Variants in SLCO3A1 observed in about 807,000 individuals in gnomAD.
The protein encoded by SLCO3A1 is PGE1 transporter.
In SLCO3A1, 27 loss-of-function variants were observed where a neutral mutation model predicts 63.1. That is an observed-to-expected ratio of 0.43 (90% CI 0.32 to 0.59). The LOEUF (loss-of-function observed/expected upper bound fraction) is 0.59, where lower values mean the gene tolerates loss of function less well. Ranked by LOEUF, SLCO3A1 falls within the 20% of genes least tolerant of loss-of-function variation. The pLI, the probability that SLCO3A1 is intolerant of heterozygous loss-of-function variation, is 0.09. For missense variants in SLCO3A1, 773 were observed against 945.8 expected (o/e 0.82, Z 2.40); for synonymous variants, 473 against 409.9 (o/e 1.15, Z -1.86).
At chr15:92,069,168 G>T (rs1868462266) in intron 2 of SLCO3A1, among the ~76,000 whole-genome samples, 1 of 135,018 alleles carries the variant, frequency 7.4e-6, no homozygotes, top group African/African-American at 2.8e-5. Context: ...TGGTTGTCAT[G>T]ATGGGAGATA....
intron 2 of SLCO3A1, among the ~76,000 whole-genome samples, chr15:92,065,865 G>A (rs1256028718): frequency 6.6e-6 from 1 of 152,172 alleles, no homozygotes; most frequent in Non-Finnish European, 1.5e-5. Flanking sequence ...GTTATGTGCT[G>A]GTCCTGTTGA....
intron 2 of SLCO3A1, among the ~76,000 whole-genome samples, chr15:91,979,821 A>G (rs1397610648): frequency 6.6e-6 from 1 of 152,196 alleles, no homozygotes; most frequent in East Asian, 1.9e-4. Context: ...AAATGGTAGC[A>G]TCTATTATTG....
chr15:91,946,006 A>G lies in SLCO3A1; in HGVS notation c.646+29548A>G, dbSNP rs190172164. ...TTCCCTCTTATTTTGATTAAGCACT[A>G]TCTGTCATTTTCTTTGAACATATAA... On this transcript the variant is annotated intron_variant, in intron 2 of 9. Coordinates refer to ENST00000318445, the MANE Select transcript of SLCO3A1 (RefSeq NM_013272.4). Among the ~76,000 whole-genome samples, 22 of 152,356 alleles carry G rather than the reference A, an allele frequency of 1.4e-4. 1 individual carries two copies. In the East Asian group the frequency reaches 3.1e-3, roughly 21 times the overall value.
chr15:92,151,146 A>G (rs771883527), intron 9 of SLCO3A1, 132 bp downstream of exon 9: 36 of 686,236 alleles, frequency 5.2e-5, no homozygotes, highest in Non-Finnish European at 7.4e-5. Flanking sequence ...AGTAAATAAG[A>G]AATTTTAAGT....
chr15:91,977,961 G>T (rs1479426364), intron 2 of SLCO3A1, among the ~76,000 whole-genome samples: 1 of 152,152 alleles, frequency 6.6e-6, no homozygotes. Context: ...CCTTGCATGG[G>T]TCCAGGCACT....
rs371684751 is a variant in SLCO3A1, at chr15:91,916,678, A to G, written c.646+220A>G. ...TTGTGAGCGGCCGAATTTGAGCTCC[A>G]CGGGGCTAGACCACTAACACCGCTT... On this transcript the variant is annotated intron_variant, in intron 2 of 9. Transcript: ENST00000318445. The surrounding 1 kb of genome is among the most constrained non-coding windows in gnomAD (Gnocchi z 6.2). 6.6e-6 allele frequency among the ~76,000 whole-genome samples: 1 copy of G among 152,214 alleles called. No homozygotes were observed. Among genetic ancestry groups the G allele is most frequent in the Admixed American group, 6.5e-5 (1 of 15,288 alleles).
chr15:91,920,312 C>G (rs1241813841), intron 2 of SLCO3A1, among the ~76,000 whole-genome samples: 6 of 152,106 alleles, frequency 3.9e-5, no homozygotes, highest in Non-Finnish European at 8.8e-5. Context: ...AGGTGCAAGC[C>G]AGGGCATTCC....
intron 2 of SLCO3A1, among the ~76,000 whole-genome samples, chr15:92,065,520 G>A (rs1238849325): frequency 6.6e-6 from 1 of 152,054 alleles, no homozygotes; most frequent in African/African-American, 2.4e-5. Flanking sequence ...AGGATGAATG[G>A]AGACAAACTG....
chr15:92,105,203 A>T (rs1054264322), intron 4 of SLCO3A1, among the ~76,000 whole-genome samples: 5 of 152,012 alleles, frequency 3.3e-5, no homozygotes, highest in African/African-American at 1.2e-4. Flanking sequence ...GTTCAAGCTC[A>T]CCAGAGGTTG....
rs1896871527 is a variant in SLCO3A1 at position 91,854,784 on chromosome 15, G to A, written c.180+696G>A. Among the ~76,000 whole-genome samples, 1 of 152,154 alleles carries A rather than the reference G, an allele frequency of 6.6e-6. No homozygotes were observed. Among genetic ancestry groups the A allele is most frequent in the African/African-American group, 2.4e-5 (1 of 41,428 alleles). On this transcript the variant is annotated intron_variant, in intron 1 of 9. Coordinates refer to ENST00000318445, the MANE Select transcript of SLCO3A1 (RefSeq NM_013272.4). The surrounding 1 kb of genome is among the most constrained non-coding windows in gnomAD (Gnocchi z 6.4). The stretch of plus-strand genomic sequence containing the variant: ...TCTTAGTGCTAAATTCCCCATCGTG[G>A]TCTGTCGCCTACAGAAGGTTGCACC...
chr15:92,098,579 G>T (rs1318663673), intron 3 of SLCO3A1, among the ~76,000 whole-genome samples: 1 of 152,156 alleles, frequency 6.6e-6, no homozygotes, highest in Non-Finnish European at 1.5e-5. Flanking sequence ...TAACTATGTG[G>T]GTTTATTACA....
chr15:92,127,616 G>C (rs565241040), intron 6 of SLCO3A1, among the ~76,000 whole-genome samples: 4 of 152,260 alleles, frequency 2.6e-5, no homozygotes, highest in South Asian at 4.1e-4. Flanking sequence ...AAAATGATCA[G>C]AGTAAAGAAG....
chr15:92,043,102 G>C (rs904960992), intron 2 of SLCO3A1, among the ~76,000 whole-genome samples: 12 of 151,578 alleles, frequency 7.9e-5, no homozygotes, highest in African/African-American at 2.9e-4. Context: ...CCAGTTGTTT[G>C]AGCTGTGATG....
intron 7 of SLCO3A1, among the ~76,000 whole-genome samples, chr15:92,145,995 C>G (rs894879962): frequency 1.3e-5 from 2 of 151,904 alleles, no homozygotes; most frequent in Non-Finnish European, 2.9e-5. Context: ...AGGGGGAGGA[C>G]CAGAGGAGGA....
At chr15:92,132,066 G>T (rs1450170071) in intron 7 of SLCO3A1, among the ~76,000 whole-genome samples, 1 of 145,590 alleles carries the variant, frequency 6.9e-6, no homozygotes. Context: ...GCCCTGTACT[G>T]ACCTCAGAGA....
chr15:92,100,059 C>A (rs752179072), intron 3 of SLCO3A1, among the ~76,000 whole-genome samples: 14 of 120,020 alleles, frequency 1.2e-4, no homozygotes, highest in Non-Finnish European at 2.5e-4. Flanking sequence ...GAGTGAAACT[C>A]CATCTCAAAA....
rs1567174517 is a variant in SLCO3A1 at position 91,894,180 on chromosome 15, T to C, written c.181-21813T>C. On this transcript the variant is annotated intron_variant, in intron 1 of 9. Transcript: ENST00000318445. This position sits in a 1 kb window ranked among gnomAD's most constrained non-coding sequence, Gnocchi z 4.8. ...GTTTGCAGAACAGCAAGGCAACTGG[T>C]GTGGTTTGAATGGTAAACATATGGG... 6.6e-6 allele frequency among the ~76,000 whole-genome samples: 1 copy of C among 151,464 alleles called. No individual in the cohort carries two copies. The highest frequency in any genetic ancestry group is 2.1e-4 in the South Asian group (1 of 4,782).
intron 7 of SLCO3A1, among the ~76,000 whole-genome samples, chr15:92,128,915 A>G (rs987272244): frequency 2.6e-5 from 4 of 152,162 alleles, no homozygotes; most frequent in African/African-American, 4.8e-5. Context: ...TTTCCTACCC[A>G]GTTTGCTTTG....
chr15:91,901,052 T>G (rs1048698296), intron 1 of SLCO3A1, among the ~76,000 whole-genome samples: 3 of 152,354 alleles, frequency 2.0e-5, no homozygotes. Context: ...TGATTTGTTT[T>G]ATGTCTCATC....
Sources: gnomAD v4.1 joint callset for allele counts (sites outside exome capture counted in the v4.1 genomes callset) on GRCh38, gnomAD v4.1.1 for gene constraint, Gnocchi (gnomAD v3.1) non-coding constraint, MANE v1.5 for transcripts, NCBI Gene and HGNC (gene_info 2026-07-23, HGNC 2026-07-21) for gene names.